HCN1: variants seen among roughly 807,000 people sequenced by gnomAD.
The protein encoded by HCN1 is potassium/sodium hyperpolarization-activated cyclic nucleotide-gated channel 1.
In HCN1, 13 loss-of-function variants were observed where a neutral mutation model predicts 78.9. The ratio of observed to expected loss-of-function variants is 0.16; its 90% CI spans 0.11 to 0.26. The LOEUF (loss-of-function observed/expected upper bound fraction) is 0.26, where lower values mean the gene tolerates loss of function less well. HCN1 is among the 10% of genes least tolerant of loss of function. HCN1 has a pLI of 1.00. For synonymous variants in HCN1, 552 were observed against 455.5 expected, an observed-to-expected ratio of 1.21 and a Z score of -2.70; for missense variants, 810 against 1,154.3, an observed-to-expected ratio of 0.70 and a Z score of 4.32.
At chr5:45,557,039 A>G (rs1228894486) in intron 2 of HCN1, among the ~76,000 whole-genome samples, 2 of 152,062 alleles carry the variant, frequency 1.3e-5, no homozygotes, top group African/African-American at 2.4e-5. Context: ...CCTGATAATA[A>G]TCTGTCTCAC....
At chr5:45,477,167 A>G (rs911471707) in intron 2 of HCN1, among the ~76,000 whole-genome samples, 2 of 152,120 alleles carry the variant, frequency 1.3e-5, no homozygotes, top group African/African-American at 4.8e-5. Context: ...TGTTCCAGAA[A>G]CAGAAAACTT....
chr5:45,414,554 T>C (rs1205075961), intron 3 of HCN1, among the ~76,000 whole-genome samples: 1 of 152,042 alleles, frequency 6.6e-6, no homozygotes, highest in Non-Finnish European at 1.5e-5. Context: ...ATTGACTCCA[T>C]GCTGTACTCC....
At chr5:45,459,523 CACCACAA>C (rs1741100779) in intron 3 of HCN1, among the ~76,000 whole-genome samples, 2 of 149,038 alleles carry the variant, frequency 1.3e-5, no homozygotes, top group Admixed American at 1.3e-4. Flanking sequence ...CACACACACA[CACCACAA>C]ACACACACAT....
At chr5:45,540,297 TA>T (rs1187273145) in intron 2 of HCN1, among the ~76,000 whole-genome samples, 1 of 150,102 alleles carries the variant, frequency 6.7e-6, no homozygotes, top group African/African-American at 2.4e-5. Flanking sequence ...CAAAAATGAA[TA>T]AAAAAATACT....
chr5:45,650,056 C>G (rs543228002), intron 1 of HCN1, among the ~76,000 whole-genome samples: 2 of 151,918 alleles, frequency 1.3e-5, no homozygotes, highest in East Asian at 3.9e-4. Context: ...ATATATCTAC[C>G]TACTTCTATT....
At chr5:45,547,391 T>C (rs1743251554) in intron 2 of HCN1, among the ~76,000 whole-genome samples, 1 of 151,926 alleles carries the variant, frequency 6.6e-6, no homozygotes, top group East Asian at 1.9e-4. Context: ...ATTAAAGTAG[T>C]AAAGTAAGTA....
chr5:45,621,371 CT>C (rs1242636485), intron 2 of HCN1, among the ~76,000 whole-genome samples: 1 of 150,314 alleles, frequency 6.7e-6, no homozygotes, highest in African/African-American at 2.5e-5. Flanking sequence ...AGGTTAAATG[CT>C]TTTTTGAGCT....
chr5:45,526,679 T>C (rs1280152592), intron 2 of HCN1, among the ~76,000 whole-genome samples: 1 of 152,068 alleles, frequency 6.6e-6, no homozygotes, highest in Non-Finnish European at 1.5e-5. Flanking sequence ...AGATACACAG[T>C]GCAACTACTA....
At chr5:45,363,132 TTA>T (rs1221938939) in intron 4 of HCN1, among the ~76,000 whole-genome samples, 17 of 116,050 alleles carry the variant, frequency 1.5e-4, no homozygotes, top group South Asian at 3.1e-4. Context: ...ATATAACATA[TTA>T]TATATATATA....
At chr5:45,576,666 T>G (rs866617966) in intron 2 of HCN1, 1 of 152,166 alleles carries the variant, frequency 6.6e-6, no homozygotes, top group African/African-American at 2.4e-5. Flanking sequence ...AAAGTATGTA[T>G]ATTTTGTAGA....
intron 2 of HCN1, among the ~76,000 whole-genome samples, chr5:45,632,384 G>A (rs1351135505): frequency 6.6e-6 from 1 of 151,884 alleles, no homozygotes; most frequent in African/African-American, 2.4e-5. Flanking sequence ...CTGACAAACT[G>A]TTAGCAAATC....
intron 4 of HCN1, among the ~76,000 whole-genome samples, chr5:45,356,943 G>C (rs899422352): frequency 6.6e-6 from 1 of 152,022 alleles, no homozygotes; most frequent in African/African-American, 2.4e-5. Context: ...CTCATCAGTA[G>C]ATTAACAAGA....
chr5:45,460,696 A>C (rs1053674014), intron 3 of HCN1, among the ~76,000 whole-genome samples: 1 of 152,078 alleles, frequency 6.6e-6, no homozygotes. Flanking sequence ...AAAGCATAGA[A>C]AAGACAAAAA....
chr5:45,352,087 T>C (rs1746916628), intron 5 of HCN1, among the ~76,000 whole-genome samples: 1 of 152,160 alleles, frequency 6.6e-6, no homozygotes, highest in African/African-American at 2.4e-5. Flanking sequence ...GTATGTTTAT[T>C]GCGGCACTAT....
At chr5:45,390,520 A>G (rs1739531676) in intron 4 of HCN1, among the ~76,000 whole-genome samples, 1 of 152,196 alleles carries the variant, frequency 6.6e-6, no homozygotes, top group South Asian at 2.1e-4. Flanking sequence ...GTAAACAGCA[A>G]AAAACTAAAT....
intron 3 of HCN1, among the ~76,000 whole-genome samples, chr5:45,425,768 T>C (rs1036443953): frequency 1.3e-5 from 2 of 152,176 alleles, no homozygotes; most frequent in African/African-American, 4.8e-5. Flanking sequence ...TTTTATTCAT[T>C]GATTAAGAGA....
rs1038290431 is a variant in HCN1 at position 45,469,243 on chromosome 5, C to A, written c.850-7236G>T. The stretch of plus-strand genomic sequence containing the variant: ...AGAACATTTATTAATTGTACCATGC[C>A]CAGGAAAAACGAAAGAGCAAGCATA... On this transcript the variant is annotated intron_variant, in intron 2 of 7. Coordinates refer to ENST00000303230, the MANE Select transcript of HCN1 (RefSeq NM_021072.4). 3.3e-4 allele frequency among the ~76,000 whole-genome samples: 50 copies of A among 151,504 alleles called. 1 individual carries two copies. The highest frequency in any genetic ancestry group is 2.3e-3 in the Admixed American group (35 of 15,170).
Position 45,441,293 on chromosome 5 carries a change from C to T in HCN1, c.1011+20553G>A, listed in dbSNP as rs1279169854. Among the ~76,000 whole-genome samples, 3 of 151,204 alleles carry T rather than the reference C, an allele frequency of 2.0e-5. No homozygotes were observed. In the East Asian group the frequency reaches 5.8e-4, roughly 29 times the overall value. ...CTTTGTTTTATTATCAATATATTTG[C>T]CATTAGATCAAAGCATATAAGAATA... is the stretch of plus-strand genomic sequence containing the variant. On this transcript the variant is annotated intron_variant, in intron 3 of 7. Transcript: ENST00000303230.
chr5:45,555,696 A>G (rs1379338135), intron 2 of HCN1, among the ~76,000 whole-genome samples: 2 of 151,860 alleles, frequency 1.3e-5, no homozygotes, highest in Non-Finnish European at 2.9e-5. Context: ...GCATAAAAGC[A>G]GAGACATAGA....
Sources: allele counts gnomAD v4.1 joint callset (sites outside exome capture counted in the v4.1 genomes callset), GRCh38; gene constraint gnomAD v4.1.1; transcripts MANE v1.5; gene names NCBI Gene and HGNC (gene_info 2026-07-23, HGNC 2026-07-21).